NELFA: variants seen among roughly 807,000 people sequenced by gnomAD.
NELFA encodes the protein negative elongation factor complex member A.
In NELFA, 35 loss-of-function variants were observed where a neutral mutation model predicts 51.8. The ratio of observed to expected loss-of-function variants is 0.68; its 90% CI spans 0.52 to 0.90. The LOEUF (loss-of-function observed/expected upper bound fraction) is 0.90, where lower values mean the gene tolerates loss of function less well. NELFA is among the 40% of genes least tolerant of loss of function. NELFA has a pLI of 0.00. For missense variants in NELFA, 658 were observed against 746.4 expected (o/e 0.88, Z 1.38); for synonymous variants, 417 against 338.4 (o/e 1.23, Z -2.55).
chr4:1,989,757 T>C lies in NELFA; in HGVS notation c.495A>G (p.Leu165=). ...PLTPPVKHFQ[L]KRKPKSATLR... The stretch of plus-strand genomic sequence containing the variant: ...GCGTGGCGCTCTTGGGTTTCCGCTT[T>C]AACTGAAAATGCTTCACCGGGGGAG... The change falls in exon 3 of 11, where the codon TTA becomes TTG. Residue 165 remains leucine, a synonymous_variant. Coordinates refer to ENST00000382882, the MANE Select transcript of NELFA (RefSeq NM_005663.5). The surrounding 1 kb of genome is among the most constrained non-coding windows in gnomAD (Gnocchi z 4.8). 6.2e-7 allele frequency: 1 copy of C among 1,614,182 alleles called. No homozygotes were observed. Among genetic ancestry groups the C allele is most frequent in the Non-Finnish European group, 8.5e-7 (1 of 1,180,032 alleles).
intron 1 of NELFA, among the ~76,000 whole-genome samples, chr4:2,005,748 C>A (rs1340209566): frequency 1.3e-5 from 2 of 152,036 alleles, no homozygotes; most frequent in Non-Finnish European, 2.9e-5. Context: ...TTTCTATATA[C>A]CAGCAACAAG....
intron 7 of NELFA, 91 bp downstream of exon 7, chr4:1,985,685 T>C: frequency 1.1e-6 from 1 of 915,620 alleles, no homozygotes; most frequent in South Asian, 1.4e-5. Context: ...TACATATATA[T>C]ATTCTCCGAC....
At chr4:1,983,811 AC>A (rs1044943381) in intron 9 of NELFA, 36 bp downstream of exon 9, 5 of 1,572,546 alleles carry the variant, frequency 3.2e-6, no homozygotes, top group African/African-American at 2.7e-5. Context: ...CGTACCACCT[AC>A]CTGGTGGCCT....
At position 1,985,827 on chromosome 4, in the gene NELFA, C is replaced by T. The variant is rs780369940; in HGVS notation, c.873G>A (p.Thr291=). The change falls in exon 7 of 11, where the codon ACG becomes ACA. Residue 291 remains threonine (T), a synonymous_variant. Transcript: ENST00000382882. ...AGTCCGGGGTGGCGTTCTCCACCAC[C>T]GTTTCCTCCTTGGCCGGCTTCTCCA... ...EVVEKPAKEE[T]VVENATPDYA... The T allele has an allele frequency of 5.6e-6, 9 of 1,613,288 alleles. No homozygotes were observed. Among genetic ancestry groups the T allele is most frequent in the East Asian group, 2.2e-5 (1 of 44,866 alleles).
At chr4:1,991,851 C>T (rs1728278063) in intron 1 of NELFA, 136 bp from the exon 2 acceptor site, 2 of 866,312 alleles carry the variant, frequency 2.3e-6, no homozygotes, top group African/African-American at 1.7e-5. Context: ...CCTGAGGGCT[C>T]CCCTTCCTCT....
intron 1 of NELFA, among the ~76,000 whole-genome samples, chr4:1,996,486 G>A (rs917965396): frequency 3.9e-5 from 6 of 152,162 alleles, no homozygotes; most frequent in Non-Finnish European, 7.3e-5. Flanking sequence ...ACAAAGACAG[G>A]AGAAAGAAAA....
At chr4:1,985,089 C>CCCCTGGCG (rs1341393173) in intron 7 of NELFA, among the ~76,000 whole-genome samples, 170 bp from the exon 8 acceptor site, 2 of 152,152 alleles carry the variant, frequency 1.3e-5, no homozygotes, top group Non-Finnish European at 2.9e-5. Flanking sequence ...GGACCCCTGG[C>CCCCTGGCG]CCCTGGCGCC....
At chr4:2,005,591 C>T (rs943494344) in intron 1 of NELFA, among the ~76,000 whole-genome samples, 2 of 152,032 alleles carry the variant, frequency 1.3e-5, no homozygotes, top group African/African-American at 4.8e-5. Flanking sequence ...ACTCGGGAAG[C>T]TAAGGTAGGA....
rs759798670 is a variant in NELFA, at chr4:1,983,206, C to T, written c.*113G>A. On this transcript the variant is annotated 3_prime_UTR_variant, in exon 11 of 11. Coordinates refer to ENST00000382882, the MANE Select transcript of NELFA (RefSeq NM_005663.5). ...AAAACAGGCTGGGTCAGCAGCAGGG[C>T]GGCGGCCGGGGGACCTCGGGGGCCA... The T allele has an allele frequency of 3.0e-5, 32 of 1,061,300 alleles. 1 individual carries two copies. Among genetic ancestry groups the T allele is most frequent in the African/African-American group, 7.9e-5 (5 of 63,250 alleles). 65.7% of individuals were successfully genotyped at this position (1,061,300 alleles called of 1,614,324 possible).
intron 9 of NELFA, 29 bp from the exon 10 acceptor site, chr4:1,983,724 A>G: frequency 6.2e-7 from 1 of 1,611,266 alleles, no homozygotes; most frequent in African/African-American, 1.3e-5. Flanking sequence ...TGTGGGTGCC[A>G]GGGCCCCGCC....
intron 4 of NELFA, chr4:1,987,628 G>A (rs1388861064): frequency 7.1e-6 from 3 of 422,338 alleles, no homozygotes; most frequent in Non-Finnish European, 1.2e-5. Context: ...CGGCCTTCCT[G>A]TCTCCATGCC....
intron 1 of NELFA, among the ~76,000 whole-genome samples, chr4:1,999,547 A>G (rs1440358887): frequency 6.6e-6 from 1 of 152,218 alleles, no homozygotes; most frequent in Non-Finnish European, 1.5e-5. Flanking sequence ...GAAGACAAGA[A>G]GGGTATTACA....
Position 1,983,893 on chromosome 4 carries a change from G to GGTCTGC in NELFA, c.1251_1256dup (p.Thr419_Gln420dup). Reference sequence around the variant, plus strand: ...TAGGCTGCTGCTGAGCAGGGGCCTGGGTCTGCGGGGCCACCATGGCAACCG... The same window carrying GGTCTGC: ...TAGGCTGCTGCTGAGCAGGGGCCTGGGTCTGCGTCTGCGGGGCCACCATGGCAACCG... On this transcript the variant is annotated inframe_insertion, in exon 9 of 11. Coordinates refer to ENST00000382882, the MANE Select transcript of NELFA (RefSeq NM_005663.5). The GGTCTGC allele has an allele frequency of 6.3e-7, 1 of 1,598,468 alleles. No homozygotes were observed. Among genetic ancestry groups the GGTCTGC allele is most frequent in the Non-Finnish European group, 8.5e-7 (1 of 1,171,966 alleles).
At chr4:1,985,097 G>A (rs545888757) in intron 7 of NELFA, among the ~76,000 whole-genome samples, 178 bp from the exon 8 acceptor site, 12 of 151,748 alleles carry the variant, frequency 7.9e-5, no homozygotes, top group African/African-American at 1.7e-4. Context: ...GGCCCCTGGC[G>A]CCCCAGCAGA....
intron 1 of NELFA, 77 bp downstream of exon 1, chr4:2,008,673 G>T: frequency 6.6e-7 from 1 of 1,508,400 alleles, no homozygotes; most frequent in Non-Finnish European, 9.0e-7. Context: ...GAGCGAGGAG[G>T]GTCCGGAGTT....
intron 6 of NELFA, 81 bp downstream of exon 6, chr4:1,986,033 G>T: frequency 6.9e-7 from 1 of 1,457,502 alleles, no homozygotes; most frequent in South Asian, 1.3e-5. Flanking sequence ...CCTGCCCGCC[G>T]AGCGTGGGCA....
In NELFA at chr4:1,984,831, A is replaced by T. The variant is rs1445709920; in HGVS notation, c.1013T>A (p.Ile338Asn). Residue 338 changes from isoleucine (I) to asparagine (N), a missense_variant, in exon 8 of 11, where the codon ATC becomes AAC. Physicochemically the swap from Ile to Asn is moderately radical, Grantham distance 149. Coordinates refer to ENST00000382882, the MANE Select transcript of NELFA (RefSeq NM_005663.5). ...ACCTGGGGGCGTCTCGGAGCTGGGGATGTAGGAGGAGGCGGGAACCACGCT... is the reference window on the plus strand; with the variant it reads ...ACCTGGGGGCGTCTCGGAGCTGGGGTTGTAGGAGGAGGCGGGAACCACGCT... ...TPSVVPASSY[I>N]PSSETPPAPS... The T allele has an allele frequency of 1.9e-6, 3 of 1,568,954 alleles. No individual in the cohort carries two copies. The highest frequency in any genetic ancestry group is 4.7e-5 in the East Asian group (2 of 42,590).
intron 1 of NELFA, among the ~76,000 whole-genome samples, chr4:1,997,320 T>TA (rs1439058311): frequency 6.6e-6 from 1 of 152,166 alleles, no homozygotes; most frequent in Non-Finnish European, 1.5e-5. Context: ...ATAACCCCAA[T>TA]ACCAAAATCC....
chr4:1,985,960 C>A (rs1355718884), intron 6 of NELFA, 96 bp from the exon 7 acceptor site: 4 of 1,348,972 alleles, frequency 3.0e-6, no homozygotes, highest in Non-Finnish European at 2.0e-6. Flanking sequence ...CCAGGGGAGG[C>A]CACCAAGGAG....
Sources: gnomAD v4.1 joint callset for allele counts (sites outside exome capture counted in the v4.1 genomes callset) on GRCh38, gnomAD v4.1.1 for gene constraint, Gnocchi (gnomAD v3.1) non-coding constraint, MANE v1.5 for transcripts, NCBI Gene and HGNC (gene_info 2026-07-23, HGNC 2026-07-21) for gene names.